Variants in BTRC observed in about 807,000 individuals in gnomAD.
BTRC encodes the protein F-box/WD repeat-containing protein 1A.
In BTRC, 42 loss-of-function variants were observed where a neutral mutation model predicts 85.5. That is an observed-to-expected ratio of 0.49 (90% CI 0.38 to 0.64). The LOEUF is 0.64. BTRC is among the 30% of genes least tolerant of loss of function. The pLI is 0.00. For synonymous variants in BTRC, 255 were observed against 263.3 expected, an observed-to-expected ratio of 0.97 and a Z score of 0.30; for missense variants, 594 against 743.5, an observed-to-expected ratio of 0.80 and a Z score of 2.34.
chr10:101,449,974 G>A (rs74155341), intron 2 of BTRC, among the ~76,000 whole-genome samples: 26 of 147,172 alleles, frequency 1.8e-4, no homozygotes, highest in African/African-American at 5.7e-4. Context: ...AATTGCATTC[G>A]TACATTAAGC....
rs978189112 is a variant in BTRC, at chr10:101,535,572, A to G, written c.1466+100A>G. 1.5e-5 allele frequency: 12 copies of G among 825,166 alleles called. No individual in the cohort carries two copies. The African/African-American group carries it at 2.1e-4, about 15-fold the overall frequency. The allele number at this position is 825,166 out of a possible 1,614,324, so 51.1% of individuals were successfully genotyped here. On this transcript the variant is annotated intron_variant, in intron 11 of 14. Coordinates refer to ENST00000370187, the MANE Select transcript of BTRC (RefSeq NM_033637.4). ...AGTCTTCAATTTTGTTATGTTTATA[A>G]TCAACTGTTTTTCCTTTCTGTAGCT...
At chr10:101,419,263 G>A (rs927722666) in intron 1 of BTRC, among the ~76,000 whole-genome samples, 2 of 151,988 alleles carry the variant, frequency 1.3e-5, no homozygotes, top group Admixed American at 6.6e-5. Flanking sequence ...CACCCACGTC[G>A]GCCTCCCAAA....
At chr10:101,388,739 C>T (rs1010023354) in intron 1 of BTRC, among the ~76,000 whole-genome samples, 19 of 152,182 alleles carry the variant, frequency 1.2e-4, no homozygotes, top group African/African-American at 3.9e-4. Flanking sequence ...AATCTGCCCA[C>T]CTCAGCCTCT....
At chr10:101,472,049 T>C (rs1471747742) in intron 3 of BTRC, among the ~76,000 whole-genome samples, 3 of 152,170 alleles carry the variant, frequency 2.0e-5, no homozygotes, top group African/African-American at 7.2e-5. Flanking sequence ...TTTCCATGAA[T>C]GTATGATTCC....
chr10:101,473,823 C>G (rs1945604458), intron 3 of BTRC, among the ~76,000 whole-genome samples: 1 of 152,058 alleles, frequency 6.6e-6, no homozygotes, highest in Non-Finnish European at 1.5e-5. Context: ...GTCCTGAACT[C>G]CTGAGCTCAA....
chr10:101,398,058 C>T (rs1377848214), intron 1 of BTRC, among the ~76,000 whole-genome samples: 1 of 152,152 alleles, frequency 6.6e-6, no homozygotes, highest in Non-Finnish European at 1.5e-5. Context: ...TGTTCAGCAG[C>T]TGGCTGCTTG....
At position 101,496,946 on chromosome 10, in the gene BTRC, C is replaced by G. The variant is rs571971943; in HGVS notation, c.324+17489C>G. 3.9e-5 allele frequency among the ~76,000 whole-genome samples: 6 copies of G among 152,164 alleles called. No homozygotes were observed. The East Asian group carries it at 9.7e-4, about 24-fold the overall frequency. ...AACAGAGGTTCTTAATTTAAGAGTCCAATTTATGGATCTTTGCCTTATACA... is the reference window on the plus strand; with the variant it reads ...AACAGAGGTTCTTAATTTAAGAGTCGAATTTATGGATCTTTGCCTTATACA... On this transcript the variant is annotated intron_variant, in intron 4 of 14. Coordinates refer to ENST00000370187, the MANE Select transcript of BTRC (RefSeq NM_033637.4).
At chr10:101,411,687 T>C (rs199579402) in intron 1 of BTRC, among the ~76,000 whole-genome samples, 1 of 151,368 alleles carries the variant, frequency 6.6e-6, no homozygotes, top group East Asian at 1.9e-4. Flanking sequence ...GCTGTTTTAA[T>C]TTTTAGGTCT....
chr10:101,382,850 A>G (rs151299947), intron 1 of BTRC, among the ~76,000 whole-genome samples: 3 of 152,138 alleles, frequency 2.0e-5, no homozygotes, highest in Admixed American at 2.0e-4. Flanking sequence ...GAAAGACATT[A>G]CATGGGCTTT....
intron 3 of BTRC, among the ~76,000 whole-genome samples, chr10:101,466,783 A>T (rs1035228011): frequency 3.3e-5 from 5 of 152,222 alleles, no homozygotes; most frequent in African/African-American, 1.2e-4. Context: ...ACTGGGCCTT[A>T]TAAAAGGAAC....
rs10531761 is a variant in BTRC, at chr10:101,442,262, A to ATCTCTCTCTCTCTCTCTCTCTC, written c.156+11831_156+11832insCTCTCTCTCTCTCTCTCTCTCT. 6.5e-3 allele frequency among the ~76,000 whole-genome samples: 831 copies of ATCTCTCTCTCTCTCTCTCTCTC among 128,332 alleles called. 1 individual carries two copies. The highest frequency in any genetic ancestry group is 0.012 in the Middle Eastern group (3 of 256). 84.2% of individuals were successfully genotyped at this position (128,332 alleles called of 152,430 possible). On this transcript the variant is annotated intron_variant, in intron 2 of 14. Coordinates refer to ENST00000370187, the MANE Select transcript of BTRC (RefSeq NM_033637.4). ...TTGCGACTGCACTAATTGAATTAGAATCTCTCTCTCTCTCTCTCTCTGTCT... is the reference window on the plus strand; with the variant it reads ...TTGCGACTGCACTAATTGAATTAGAATCTCTCTCTCTCTCTCTCTCTCTCTCTCTCTCTCTCTCTCTCTGTCT...
chr10:101,421,386 G>A (rs1351519918), intron 1 of BTRC, among the ~76,000 whole-genome samples: 1 of 152,040 alleles, frequency 6.6e-6, no homozygotes, highest in East Asian at 1.9e-4. Flanking sequence ...TAGATAGTCA[G>A]AATATCTAGT....
Position 101,479,390 on chromosome 10 carries a change from T to C in BTRC, c.257T>C (p.Leu86Pro). Residue 86 changes from leucine (L) to proline (P), a missense_variant, in exon 4 of 15, where the codon CTC (leucine) becomes CCC (proline). Leu to Pro is a moderately conservative substitution (Grantham distance 98, BLOSUM62 -3). Transcript: ENST00000370187. ...LRQTYNSCAR[L>P]CLNQETVCLA... ...CAGACATACAACAGCTGTGCCAGAC[T>C]CTGCTTAAACCAAGAAACAGTATGT... The C allele has an allele frequency of 5.0e-6, 8 of 1,613,290 alleles. No homozygotes were observed. Among genetic ancestry groups the C allele is most frequent in the Non-Finnish European group, 6.8e-6 (8 of 1,179,434 alleles).
intron 1 of BTRC, among the ~76,000 whole-genome samples, chr10:101,414,198 A>G (rs979967372): frequency 6.6e-5 from 10 of 152,178 alleles, no homozygotes; most frequent in Non-Finnish European, 1.0e-4. Flanking sequence ...GGTAACTCAT[A>G]TAAGTGGATT....
Position 101,556,754 on chromosome 10 carries a change from T to G in BTRC, c.*3631T>G, listed in dbSNP as rs1287903113. ...TCAGGTGGAACTTAATGCATTGATCTTTAGAAGCTCCTTCTGTTGGAAGTT... is the reference window on the plus strand; with the variant it reads ...TCAGGTGGAACTTAATGCATTGATCGTTAGAAGCTCCTTCTGTTGGAAGTT... On this transcript the variant is annotated 3_prime_UTR_variant, in exon 15 of 15. Coordinates refer to ENST00000370187, the MANE Select transcript of BTRC (RefSeq NM_033637.4). 6.6e-6 allele frequency: 1 copy of G among 152,270 alleles called. No individual in the cohort carries two copies. The highest frequency in any genetic ancestry group is 2.4e-5 in the African/African-American group (1 of 41,470). The allele number at this position is 152,270 out of a possible 1,614,324, so 9.4% of individuals were successfully genotyped here.
chr10:101,466,840 C>CTGAAA, intron 3 of BTRC, among the ~76,000 whole-genome samples: 1 of 152,206 alleles, frequency 6.6e-6, no homozygotes. Context: ...CCTTTTCTAC[C>CTGAAA]ATATTCCCCT....
rs777464455 is a variant in BTRC at position 101,536,624 on chromosome 10, CAA to C, written c.1549_1550del (p.Lys517GlufsTer8). On this transcript the variant is annotated frameshift_variant, in exon 12 of 15. Transcript: ENST00000370187. LOFTEE classifies it high-confidence loss of function. Reference sequence around the variant, plus strand: ...TGGTGCGTTGTATTCGATTTGATAACAAGAGGATAGTCAGTGGGGCCTATGAT... The same window carrying C: ...TGGTGCGTTGTATTCGATTTGATAACGAGGATAGTCAGTGGGGCCTATGAT... Reference protein sequence around the residue: ...ELVRCIRFDNKRIVSGAYDGK... With the variant: ...ELVRCIRFDNXRIVSGAYDGK... The C allele has an allele frequency of 4.3e-6, 7 of 1,613,388 alleles. No homozygotes were observed. Among genetic ancestry groups the C allele is most frequent in the African/African-American group, 1.3e-5 (1 of 74,892 alleles).
At chr10:101,375,820 C>T (rs12782354) in intron 1 of BTRC, among the ~76,000 whole-genome samples, 325 of 152,266 alleles carry the variant, frequency 2.1e-3, no homozygotes, top group Non-Finnish European at 3.5e-3. Context: ...CTTGGTACGC[C>T]TAAAAAATTG....
chr10:101,386,980 CT>C (rs1397598531), intron 1 of BTRC, among the ~76,000 whole-genome samples: 1 of 152,190 alleles, frequency 6.6e-6, no homozygotes, highest in East Asian at 1.9e-4. Flanking sequence ...TTCCGTTTCA[CT>C]TTTTTCCATA....
Sources: allele counts gnomAD v4.1 joint callset (sites outside exome capture counted in the v4.1 genomes callset), GRCh38; gene constraint gnomAD v4.1.1; transcripts MANE v1.5; gene names NCBI Gene and HGNC (gene_info 2026-07-23, HGNC 2026-07-21).